TMEM132D: variants seen among roughly 807,000 people sequenced by gnomAD.
The protein encoded by TMEM132D is transmembrane protein 132D.
TMEM132D carries 21 observed loss-of-function variants against 62.3 expected under a neutral mutation model. The ratio of observed to expected loss-of-function variants is 0.34; its 90% CI spans 0.24 to 0.49. The LOEUF (loss-of-function observed/expected upper bound fraction) is 0.49. TMEM132D is among the 20% of genes least tolerant of loss of function. The pLI, the probability that TMEM132D is intolerant of heterozygous loss-of-function variation, is 0.99. For synonymous variants in TMEM132D, 621 were observed against 575.6 expected (o/e 1.08, Z -1.13); for missense variants, 1,346 against 1,402.8 (o/e 0.96, Z 0.65).
intron 3 of TMEM132D, among the ~76,000 whole-genome samples, chr12:129,456,691 G>A (rs912072105): frequency 1.3e-5 from 2 of 152,170 alleles, no homozygotes; most frequent in African/African-American, 2.4e-5. Flanking sequence ...AACGGCAGAT[G>A]GAACTGTTTG....
intron 1 of TMEM132D, among the ~76,000 whole-genome samples, chr12:129,882,707 C>T (rs955056713): frequency 2.0e-5 from 3 of 152,048 alleles, no homozygotes; most frequent in African/African-American, 7.2e-5. Context: ...ACTATGTACA[C>T]CATAAATATG....
In TMEM132D at chr12:129,571,006, G is replaced by C. The variant is rs527856086; in HGVS notation, c.969-39801C>G. 4.6e-5 allele frequency among the ~76,000 whole-genome samples: 7 copies of C among 152,292 alleles called. No individual in the cohort carries two copies. In the South Asian group the frequency reaches 8.3e-4, roughly 18 times the overall value. The stretch of plus-strand genomic sequence containing the variant: ...GGTGGCTGTGAAGTCACCAAGGAAG[G>C]GGGAGGGGCTGATGGGTCAGAAATC... On this transcript the variant is annotated intron_variant, in intron 2 of 8. Transcript: ENST00000422113.
chr12:129,695,516 G>A (rs1261179760), intron 2 of TMEM132D, among the ~76,000 whole-genome samples: 1 of 152,176 alleles, frequency 6.6e-6, no homozygotes, highest in Non-Finnish European at 1.5e-5. Context: ...ACAATCCCAG[G>A]TACAGACCAC....
intron 1 of TMEM132D, among the ~76,000 whole-genome samples, chr12:129,717,510 AATAAT>A (rs1868633804): frequency 6.7e-6 from 1 of 148,690 alleles, no homozygotes; most frequent in Admixed American, 6.7e-5. Context: ...ATTTAACATT[AATAAT>A]ATATTTAATA....
At chr12:129,606,061 A>G (rs1243008499) in intron 2 of TMEM132D, among the ~76,000 whole-genome samples, 1 of 152,176 alleles carries the variant, frequency 6.6e-6, no homozygotes, top group Non-Finnish European at 1.5e-5. Context: ...AAATCAAAAA[A>G]CAAAAATAAA....
At chr12:129,157,183 G>T (rs1464035184) in intron 5 of TMEM132D, among the ~76,000 whole-genome samples, 1 of 152,086 alleles carries the variant, frequency 6.6e-6, no homozygotes, top group Non-Finnish European at 1.5e-5. Context: ...CTACTCCCAA[G>T]ATAACTAACC....
At chr12:129,590,425 T>C (rs2137134264) in intron 2 of TMEM132D, among the ~76,000 whole-genome samples, 1 of 152,334 alleles carries the variant, frequency 6.6e-6, no homozygotes, top group East Asian at 1.9e-4. Flanking sequence ...ACTTTTCATA[T>C]TGCTGCTCCC....
chr12:129,894,954 A>G (rs895701809), intron 1 of TMEM132D, among the ~76,000 whole-genome samples: 3 of 152,106 alleles, frequency 2.0e-5, no homozygotes, highest in Non-Finnish European at 4.4e-5. Context: ...TTTTGGTCAC[A>G]ACTCTGCCAC....
chr12:129,559,568 A>C (rs955571577), intron 2 of TMEM132D, among the ~76,000 whole-genome samples: 1 of 152,216 alleles, frequency 6.6e-6, no homozygotes, highest in Non-Finnish European at 1.5e-5. Flanking sequence ...AGGTTTCATA[A>C]GTTATTACCA....
intron 2 of TMEM132D, among the ~76,000 whole-genome samples, chr12:129,649,797 C>A (rs927543085): frequency 6.7e-6 from 1 of 148,900 alleles, no homozygotes; most frequent in African/African-American, 2.5e-5. Context: ...TGTGTGTGTG[C>A]GTATGTGTGT....
At chr12:129,166,571 A>G (rs1229947775) in intron 5 of TMEM132D, among the ~76,000 whole-genome samples, 1 of 151,866 alleles carries the variant, frequency 6.6e-6, no homozygotes, top group Non-Finnish European at 1.5e-5. Flanking sequence ...TTACTAAAAC[A>G]CAGAAACGAA....
At chr12:129,657,038 T>C (rs956001430) in intron 2 of TMEM132D, among the ~76,000 whole-genome samples, 1 of 152,210 alleles carries the variant, frequency 6.6e-6, no homozygotes, top group African/African-American at 2.4e-5. Context: ...AACTGAAATA[T>C]CATATGTGTC....
At chr12:129,113,667 C>G (rs1436497424) in intron 5 of TMEM132D, among the ~76,000 whole-genome samples, 1 of 151,690 alleles carries the variant, frequency 6.6e-6, no homozygotes, top group African/African-American at 2.4e-5. Flanking sequence ...CAGCGAAAAC[C>G]CCATTGAAAA....
chr12:129,510,893 T>A (rs1566092698), intron 3 of TMEM132D, among the ~76,000 whole-genome samples: 1 of 152,220 alleles, frequency 6.6e-6, no homozygotes, highest in Admixed American at 6.5e-5. Context: ...CTCTATTCTG[T>A]TCCATTGGTC....
At chr12:129,866,029 T>C (rs1874047282) in intron 1 of TMEM132D, among the ~76,000 whole-genome samples, 1 of 152,170 alleles carries the variant, frequency 6.6e-6, no homozygotes, top group African/African-American at 2.4e-5. Flanking sequence ...GGTTTTCCTC[T>C]CACACTGCTG....
intron 2 of TMEM132D, among the ~76,000 whole-genome samples, chr12:129,572,187 G>A (rs1877531920): frequency 6.6e-6 from 1 of 152,246 alleles, no homozygotes; most frequent in Admixed American, 6.5e-5. Context: ...TCACATTTTA[G>A]GTGAACTAGA....
intron 5 of TMEM132D, among the ~76,000 whole-genome samples, chr12:129,116,540 A>G (rs1459017083): frequency 6.6e-6 from 1 of 152,176 alleles, no homozygotes; most frequent in Non-Finnish European, 1.5e-5. Flanking sequence ...AATTCTTAAA[A>G]CTCAACAATA....
At chr12:129,514,072 C>A (rs1388406350) in intron 3 of TMEM132D, among the ~76,000 whole-genome samples, 1 of 151,350 alleles carries the variant, frequency 6.6e-6, no homozygotes, top group African/African-American at 2.4e-5. Flanking sequence ...ATCCCCTGAC[C>A]TTGTGATCCG....
intron 3 of TMEM132D, among the ~76,000 whole-genome samples, chr12:129,433,608 C>A (rs1365704235): frequency 6.6e-6 from 1 of 152,076 alleles, no homozygotes. Flanking sequence ...GGAGATTATA[C>A]TTGTTGCCAC....
Sources: allele counts gnomAD v4.1 joint callset (sites outside exome capture counted in the v4.1 genomes callset), GRCh38; gene constraint gnomAD v4.1.1; transcripts MANE v1.5; gene names NCBI Gene and HGNC (gene_info 2026-07-23, HGNC 2026-07-21).